Variants in TG observed in about 807,000 individuals in gnomAD.
TG encodes thyroid hormones.
Under a neutral mutation model 324.7 loss-of-function variants are expected in TG, and 270 were observed. The ratio of observed to expected loss-of-function variants is 0.83; its 90% CI spans 0.75 to 0.92. The LOEUF is 0.92. Among genes scored for constraint, TG ranks in the 40% least tolerant of loss-of-function variants. The pLI, the probability that TG is intolerant of heterozygous loss-of-function variation, is 0.00. For missense variants in TG, 3,591 were observed against 3,456.4 expected, an observed-to-expected ratio of 1.04 and a Z score of -0.98; for synonymous variants, 1,401 against 1,327.0, an observed-to-expected ratio of 1.06 and a Z score of -1.21.
intron 45 of TG, among the ~76,000 whole-genome samples, chr8:133,130,733 G>T (rs1406200685): frequency 6.6e-6 from 1 of 152,158 alleles, no homozygotes; most frequent in Admixed American, 6.5e-5. Flanking sequence ...TCCAGACATT[G>T]TCAGATAGTA....
At chr8:132,984,647 T>C (rs1831298893) in intron 35 of TG, among the ~76,000 whole-genome samples, 1 of 151,984 alleles carries the variant, frequency 6.6e-6, no homozygotes, top group Non-Finnish European at 1.5e-5. Flanking sequence ...AGATTTATGG[T>C]TTAAAAAGAA....
At chr8:132,898,338 A>G (rs1817423360) in intron 13 of TG, 92 bp downstream of exon 13, 2 of 1,255,596 alleles carry the variant, frequency 1.6e-6, no homozygotes, top group Non-Finnish European at 2.3e-6. Flanking sequence ...TGGAGACTCC[A>G]TGGCCCAGCC....
chr8:133,061,134 C>T (rs981354533), intron 41 of TG, among the ~76,000 whole-genome samples: 1 of 152,232 alleles, frequency 6.6e-6, no homozygotes, highest in African/African-American at 2.4e-5. Context: ...CCTCAGCCTT[C>T]CAAGTAGCTG....
rs547934954 is a variant in TG at position 132,952,282 on chromosome 8, G to A, written c.5401+3339G>A. On this transcript the variant is annotated intron_variant, in intron 27 of 47. Transcript: ENST00000220616. ...CACAGCAGGCTAGCGGTGGACACTG[G>A]AGATACGGCACAAGGGCTGGGAGTG... 3.9e-5 allele frequency among the ~76,000 whole-genome samples: 6 copies of A among 152,316 alleles called. No individual in the cohort carries two copies. In the South Asian group the frequency reaches 1.2e-3, roughly 32 times the overall value.
chr8:132,925,552 T>TGTGTGTGTGTGTGTG (rs60544202), intron 22 of TG, among the ~76,000 whole-genome samples: 6 of 151,368 alleles, frequency 4.0e-5, no homozygotes, highest in Admixed American at 6.6e-5. Flanking sequence ...TGTGTGTGTG[T>TGTGTGTGTGTGTGTG]TCTTGAATAA....
intron 35 of TG, among the ~76,000 whole-genome samples, chr8:132,994,168 T>G (rs1027695029): frequency 6.6e-6 from 1 of 152,198 alleles, no homozygotes; most frequent in Non-Finnish European, 1.5e-5. Context: ...TTCTCACCCC[T>G]GAACAGTTGC....
At chr8:132,885,783 G>T (rs1243276901) in intron 8 of TG, among the ~76,000 whole-genome samples, 3 of 152,110 alleles carry the variant, frequency 2.0e-5, no homozygotes, top group Non-Finnish European at 2.9e-5. Context: ...TGAAATCAAG[G>T]TGTGGGCAGG....
At chr8:133,033,575 T>C (rs1836826873) in intron 41 of TG, among the ~76,000 whole-genome samples, 1 of 152,212 alleles carries the variant, frequency 6.6e-6, no homozygotes, top group Non-Finnish European at 1.5e-5. Flanking sequence ...TGATTTTTAC[T>C]CCATTCCTGC....
intron 41 of TG, among the ~76,000 whole-genome samples, chr8:133,041,784 G>GTT (rs529937626): frequency 0.012 from 1,487 of 124,356 alleles, 47 homozygotes; most frequent in African/African-American, 0.043. Context: ...CTTGTGGTCA[G>GTT]TTTTTTTTTT....
intron 43 of TG, among the ~76,000 whole-genome samples, chr8:133,098,539 C>T (rs1209225449): frequency 2.0e-5 from 3 of 152,202 alleles, no homozygotes; most frequent in Non-Finnish European, 4.4e-5. Flanking sequence ...TCTCTGTGCA[C>T]AAGACACCAT....
chr8:132,983,916 ATAGCCTGGACCCAGGCTGCC>A (rs1831210766), intron 35 of TG, among the ~76,000 whole-genome samples: 1 of 152,238 alleles, frequency 6.6e-6, no homozygotes, highest in Non-Finnish European at 1.5e-5. Context: ...GCCCGGTAAC[ATAGCCTGGACCCAGGCTGCC>A]CTTGCTCCTG....
At chr8:133,022,190 G>C (rs1436057039) in intron 40 of TG, 40 bp downstream of exon 40, 3 of 1,613,370 alleles carry the variant, frequency 1.9e-6, no homozygotes, top group Non-Finnish European at 1.7e-6. Flanking sequence ...GACCCCCTGA[G>C]CCAAGGCTCA....
intron 41 of TG, chr8:133,050,232 C>G (rs1840150748): frequency 1.9e-6 from 1 of 526,520 alleles, no homozygotes; most frequent in Non-Finnish European, 3.4e-6. Context: ...GAAATAGCTG[C>G]TTTTCAGGGA....
At position 132,984,232 on chromosome 8, in the gene TG, C is replaced by T. The variant is rs1370407668; in HGVS notation, c.6262+820C>T. Among the ~76,000 whole-genome samples, 4 of 152,158 alleles carry T rather than the reference C, an allele frequency of 2.6e-5. No homozygotes were observed. In the East Asian group the frequency reaches 7.7e-4, roughly 29 times the overall value. On this transcript the variant is annotated intron_variant, in intron 35 of 47. Transcript: ENST00000220616. The stretch of plus-strand genomic sequence containing the variant: ...AATCTGTCATTATGGCTATTATGGC[C>T]CTGGCTGGAGAGACAGAATATAGCT...
chr8:132,890,514 A>T (rs1027419918), intron 10 of TG, among the ~76,000 whole-genome samples: 7 of 152,196 alleles, frequency 4.6e-5, no homozygotes, highest in Admixed American at 2.0e-4. Flanking sequence ...TTTCTACAAT[A>T]TTCCCAGGGG....
chr8:133,133,754 A>AGCCAAGGGGTCACCAGT, intron 47 of TG, 94 bp downstream of exon 47: 1 of 1,412,948 alleles, frequency 7.1e-7, no homozygotes, highest in Non-Finnish European at 9.8e-7. Context: ...CGCGCATTGG[A>AGCCAAGGGGTCACCAGT]GCCAAGGGGT....
intron 35 of TG, among the ~76,000 whole-genome samples, chr8:132,993,827 C>T (rs1209201768): frequency 2.6e-5 from 4 of 152,164 alleles, no homozygotes; most frequent in Non-Finnish European, 5.9e-5. Flanking sequence ...GGATATGGAG[C>T]CAAGAGCAAA....
At chr8:133,121,511 G>A (rs1272167412) in intron 45 of TG, among the ~76,000 whole-genome samples, 3 of 152,168 alleles carry the variant, frequency 2.0e-5, no homozygotes, top group South Asian at 2.1e-4. Flanking sequence ...GCAGATCCAC[G>A]GAAACATTTT....
At chr8:132,894,319 G>A (rs372625239) in intron 11 of TG, among the ~76,000 whole-genome samples, 7 of 152,194 alleles carry the variant, frequency 4.6e-5, no homozygotes, top group East Asian at 3.9e-4. Flanking sequence ...AGGAAGCCTC[G>A]ATATTAAGTA....
Sources: gnomAD v4.1 joint callset for allele counts (sites outside exome capture counted in the v4.1 genomes callset) on GRCh38, gnomAD v4.1.1 for gene constraint, MANE v1.5 for transcripts, NCBI Gene and HGNC (gene_info 2026-07-23, HGNC 2026-07-21) for gene names.